DTNA: variants seen among roughly 807,000 people sequenced by gnomAD.
DTNA encodes the protein dystrobrevin alpha.
In DTNA, 43 loss-of-function variants were observed where a neutral mutation model predicts 100.7. The ratio of observed to expected loss-of-function variants is 0.43; its 90% CI spans 0.33 to 0.55. The LOEUF (loss-of-function observed/expected upper bound fraction) is 0.55, where lower values mean the gene tolerates loss of function less well. DTNA is among the 20% of genes least tolerant of loss of function. The pLI, the probability that DTNA is intolerant of heterozygous loss-of-function variation, is 0.04. For missense variants in DTNA, 798 were observed against 953.9 expected, an observed-to-expected ratio of 0.84 and a Z score of 2.15; for synonymous variants, 349 against 347.9, an observed-to-expected ratio of 1.00 and a Z score of -0.04.
chr18:34,549,239 C>A (rs1347945888), intron 1 of DTNA, among the ~76,000 whole-genome samples: 1 of 152,118 alleles, frequency 6.6e-6, no homozygotes, highest in Non-Finnish European at 1.5e-5. Context: ...CCATCAGAAT[C>A]TCTCGAGAAC....
At chr18:34,550,856 C>T (rs1437321992) in intron 1 of DTNA, among the ~76,000 whole-genome samples, 1 of 151,982 alleles carries the variant, frequency 6.6e-6, no homozygotes, top group Non-Finnish European at 1.5e-5. Context: ...ATTTCATTTT[C>T]CTATTATATT....
At chr18:34,622,435 G>A (rs1275015874) in intron 1 of DTNA, among the ~76,000 whole-genome samples, 1 of 152,180 alleles carries the variant, frequency 6.6e-6, no homozygotes, top group Non-Finnish European at 1.5e-5. Flanking sequence ...ACATGACAGT[G>A]AGGTGGTTAA....
chr18:34,796,368 T>C (rs1184265875), intron 4 of DTNA, among the ~76,000 whole-genome samples: 1 of 152,218 alleles, frequency 6.6e-6, no homozygotes, highest in Non-Finnish European at 1.5e-5. Flanking sequence ...ATGTTCAAAT[T>C]CTATTTCTTA....
At chr18:34,850,451 G>C (rs1237571200) in intron 14 of DTNA, among the ~76,000 whole-genome samples, 1 of 152,144 alleles carries the variant, frequency 6.6e-6, no homozygotes, top group Non-Finnish European at 1.5e-5. Context: ...TTTCTTGTTA[G>C]CTATATAAGT....
intron 3 of DTNA, among the ~76,000 whole-genome samples, chr18:34,773,240 T>C (rs2093874898): frequency 6.6e-6 from 1 of 152,236 alleles, no homozygotes; most frequent in African/African-American, 2.4e-5. Context: ...CCTGGATTCA[T>C]GTTTGAATAA....
intron 1 of DTNA, among the ~76,000 whole-genome samples, chr18:34,735,339 C>A (rs990228872): frequency 2.0e-5 from 3 of 152,102 alleles, no homozygotes; most frequent in African/African-American, 7.2e-5. Flanking sequence ...TTGGCAGCAC[C>A]CTTGCAGACA....
At chr18:34,793,296 C>T (rs868182052) in intron 3 of DTNA, among the ~76,000 whole-genome samples, 25 of 152,190 alleles carry the variant, frequency 1.6e-4, no homozygotes, top group Middle Eastern at 6.8e-3. Context: ...GACCTCAGGG[C>T]AAATAGGGAA....
chr18:34,724,412 A>G (rs960605612), intron 1 of DTNA, among the ~76,000 whole-genome samples: 3 of 152,246 alleles, frequency 2.0e-5, no homozygotes, highest in Non-Finnish European at 2.9e-5. Flanking sequence ...AATTACTACA[A>G]ATTTATTGAA....
chr18:34,838,800 G>A lies in DTNA; in HGVS notation c.1309G>A (p.Gly437Arg), dbSNP rs373427602. ...GCTAGCTGATGAACATGTTCTCATCGGGTTGTATGTCAACATGCTCCGGAA... is the reference window on the plus strand; with the variant it reads ...GCTAGCTGATGAACATGTTCTCATCAGGTTGTATGTCAACATGCTCCGGAA... ...DRLADEHVLIGLYVNMLRNNP... is the reference protein window; with the variant it reads ...DRLADEHVLIRLYVNMLRNNP... The change falls in exon 13 of 23, where the codon GGG (glycine) becomes AGG (arginine). Residue 437 changes from glycine to arginine, a missense_variant. By Grantham distance (125) the Gly-to-Arg change is moderately radical (BLOSUM62 -2). Coordinates refer to ENST00000444659, the MANE Select transcript of DTNA (RefSeq NM_001386795.1). 4.3e-6 allele frequency: 7 copies of A among 1,613,522 alleles called. No homozygotes were observed. The highest frequency in any genetic ancestry group is 1.3e-5 in the African/African-American group (1 of 74,824).
chr18:34,535,964 T>C (rs1342116223), intron 1 of DTNA, among the ~76,000 whole-genome samples: 2 of 152,062 alleles, frequency 1.3e-5, no homozygotes, highest in African/African-American at 4.8e-5. Flanking sequence ...TTCTCTCTCT[T>C]CCTGAAAAAT....
At position 34,890,681 on chromosome 18, in the gene DTNA, A is replaced by C. The variant is rs540699824; in HGVS notation, c.*2947A>C. The stretch of plus-strand genomic sequence containing the variant: ...AAACAGTTGTGGTTGGTCAGGACGG[A>C]AGTTGGGGTAAGTTTGGTTGGTCAG... On this transcript the variant is annotated 3_prime_UTR_variant, in exon 23 of 23. Transcript: ENST00000444659. 4.7e-6 allele frequency: 3 copies of C among 633,454 alleles called. No homozygotes were observed. The highest frequency in any genetic ancestry group is 7.7e-6 in the Non-Finnish European group (3 of 388,182). 39.2% of individuals were successfully genotyped at this position (633,454 alleles called of 1,614,324 possible).
chr18:34,721,000 T>C (rs903311330), intron 1 of DTNA, among the ~76,000 whole-genome samples: 1 of 152,196 alleles, frequency 6.6e-6, no homozygotes, highest in Admixed American at 6.5e-5. Flanking sequence ...TAACTAAATT[T>C]GTATGGTGAT....
chr18:34,873,104 TATA>T (rs1232391644), intron 17 of DTNA, among the ~76,000 whole-genome samples: 3 of 152,198 alleles, frequency 2.0e-5, no homozygotes, highest in Non-Finnish European at 4.4e-5. Context: ...GCTATTCAAA[TATA>T]AGATATTACC....
intron 1 of DTNA, among the ~76,000 whole-genome samples, chr18:34,631,544 G>A (rs1438030044): frequency 6.6e-6 from 1 of 151,988 alleles, no homozygotes; most frequent in Non-Finnish European, 1.5e-5. Context: ...GGATGTTGCA[G>A]AAAACAAAAA....
At chr18:34,536,327 G>A (rs1373834760) in intron 1 of DTNA, among the ~76,000 whole-genome samples, 1 of 151,896 alleles carries the variant, frequency 6.6e-6, no homozygotes, top group African/African-American at 2.4e-5. Flanking sequence ...CCTAGAAGTG[G>A]AATTTATCTG....
intron 6 of DTNA, among the ~76,000 whole-genome samples, chr18:34,812,467 A>T (rs1209632001): frequency 8.5e-5 from 13 of 152,200 alleles, no homozygotes; most frequent in Non-Finnish European, 1.9e-4. Context: ...TAACAGACTC[A>T]CAGTTCCGCC....
At chr18:34,559,833 T>C (rs2046473264) in intron 1 of DTNA, among the ~76,000 whole-genome samples, 1 of 152,236 alleles carries the variant, frequency 6.6e-6, no homozygotes, top group African/African-American at 2.4e-5. Context: ...CTGGAATTAA[T>C]GTTGCATCTC....
intron 1 of DTNA, among the ~76,000 whole-genome samples, chr18:34,545,197 A>T (rs929036648): frequency 4.6e-5 from 7 of 152,176 alleles, no homozygotes; most frequent in Non-Finnish European, 1.0e-4. Flanking sequence ...AAGGGATCTG[A>T]TAAGTAGCAG....
chr18:34,786,659 G>A (rs1602001701), intron 3 of DTNA, among the ~76,000 whole-genome samples: 1 of 151,918 alleles, frequency 6.6e-6, no homozygotes, highest in African/African-American at 2.4e-5. Context: ...CACTGTCTAC[G>A]CACAAGAAGA....
Sources: gnomAD v4.1 joint callset for allele counts (sites outside exome capture counted in the v4.1 genomes callset) on GRCh38, gnomAD v4.1.1 for gene constraint, MANE v1.5 for transcripts, NCBI Gene and HGNC (gene_info 2026-07-23, HGNC 2026-07-21) for gene names.